MTUS2: variants seen among roughly 807,000 people sequenced by gnomAD.
The protein encoded by MTUS2 is microtubule-associated tumor suppressor candidate 2.
A neutral mutation model predicts 114.1 loss-of-function variants in MTUS2; 40 were observed. The observed-to-expected ratio is 0.35, with a 90% CI of 0.27 to 0.46. The LOEUF (loss-of-function observed/expected upper bound fraction) is 0.46. Ranked by LOEUF, MTUS2 falls within the 20% of genes least tolerant of loss-of-function variation. The probability of loss-of-function intolerance (pLI) is 1.00; values close to 1 mark genes in which losing one functional copy is unlikely to be tolerated. For missense variants in MTUS2, 1,679 were observed against 1,705.4 expected (o/e 0.98, Z 0.27); for synonymous variants, 688 against 672.0 (o/e 1.02, Z -0.37).
intron 5 of MTUS2, among the ~76,000 whole-genome samples, chr13:29,177,203 CAT>C (rs969527025): frequency 4.6e-5 from 7 of 150,792 alleles, no homozygotes; most frequent in African/African-American, 1.5e-4. Context: ...CAGTTGCAGA[CAT>C]AGTTCTAGAA....
intron 6 of MTUS2, among the ~76,000 whole-genome samples, chr13:29,290,549 C>A (rs1487739030): frequency 6.6e-6 from 1 of 152,134 alleles, no homozygotes; most frequent in Admixed American, 6.5e-5. Flanking sequence ...CCAGGATGGT[C>A]TCGATCTCCT....
chr13:29,054,314 C>G (rs1057423931), intron 4 of MTUS2, among the ~76,000 whole-genome samples: 2 of 151,932 alleles, frequency 1.3e-5, no homozygotes, highest in African/African-American at 4.8e-5. Context: ...ATTCTAAATA[C>G]AAGTTTTTGT....
intron 7 of MTUS2, among the ~76,000 whole-genome samples, chr13:29,328,444 A>T (rs572384882): frequency 6.6e-5 from 10 of 152,360 alleles, no homozygotes; most frequent in African/African-American, 2.4e-4. Context: ...GACCTCTCAA[A>T]GCAGAGGGCT....
At chr13:29,189,591 C>T (rs1894364419) in intron 5 of MTUS2, among the ~76,000 whole-genome samples, 1 of 151,694 alleles carries the variant, frequency 6.6e-6, no homozygotes, top group Non-Finnish European at 1.5e-5. Flanking sequence ...TCTAATTATG[C>T]AACTTGCCAA....
At chr13:28,945,506 C>G (rs1006577672) in intron 2 of MTUS2, among the ~76,000 whole-genome samples, 1 of 152,098 alleles carries the variant, frequency 6.6e-6, no homozygotes, top group Non-Finnish European at 1.5e-5. Context: ...TATTTTTTGA[C>G]ATTTTAATAA....
At chr13:29,468,373 G>C (rs1215899899) in intron 9 of MTUS2, among the ~76,000 whole-genome samples, 1 of 152,156 alleles carries the variant, frequency 6.6e-6, no homozygotes, top group Admixed American at 6.5e-5. Flanking sequence ...GTGGTCAGCA[G>C]TTCTAGACCA....
intron 5 of MTUS2, among the ~76,000 whole-genome samples, chr13:29,146,764 A>G (rs1892451479): frequency 6.6e-6 from 1 of 152,224 alleles, no homozygotes; most frequent in African/African-American, 2.4e-5. Flanking sequence ...GAGTATATTA[A>G]TCCTACATAG....
chr13:28,875,521 T>C (rs1161610902), intron 2 of MTUS2, among the ~76,000 whole-genome samples: 3 of 152,224 alleles, frequency 2.0e-5, no homozygotes, highest in Non-Finnish European at 4.4e-5. Context: ...TTCATGTTAA[T>C]GTTTATTTTT....
intron 4 of MTUS2, among the ~76,000 whole-genome samples, chr13:29,092,231 T>C (rs1308098531): frequency 2.0e-5 from 3 of 152,246 alleles, no homozygotes; most frequent in African/African-American, 7.2e-5. Context: ...TGCGTTCCTC[T>C]GATTGATTCT....
At chr13:29,232,296 A>ACGCG (rs60135574) in intron 5 of MTUS2, among the ~76,000 whole-genome samples, 2 of 148,546 alleles carry the variant, frequency 1.3e-5, no homozygotes, top group African/African-American at 4.9e-5. Context: ...ACACACACAC[A>ACGCG]CGCGCGCGCG....
rs9579279 is a variant in MTUS2, at chr13:29,071,289, C to T, written c.2447-29484C>T. ...TGCTGGGATTACAGGTGTGAGCCAC[C>T]GTGCCCAGCATCTTGCTTGTTTTTA... is the stretch of plus-strand genomic sequence containing the variant. On this transcript the variant is annotated intron_variant, in intron 4 of 15. Transcript: ENST00000612955. Among the ~76,000 whole-genome samples, 1,375 of 150,384 alleles carry T rather than the reference C, an allele frequency of 9.1e-3. 12 individuals carry two copies. The highest frequency in any genetic ancestry group is 0.015 in the Non-Finnish European group (1,002 of 67,636).
chr13:28,992,073 T>C (rs558188273), intron 2 of MTUS2, among the ~76,000 whole-genome samples: 4 of 152,272 alleles, frequency 2.6e-5, no homozygotes, highest in African/African-American at 9.6e-5. Flanking sequence ...GAAATTTACT[T>C]TGGGGGACTC....
At chr13:29,143,192 C>T (rs7317027) in intron 5 of MTUS2, among the ~76,000 whole-genome samples, 26,775 of 152,156 alleles carry the variant, frequency 0.18, 4,613 homozygotes, top group African/African-American at 0.45. Context: ...ACACAGAAGC[C>T]TATTGTATTT....
intron 7 of MTUS2, among the ~76,000 whole-genome samples, chr13:29,356,116 G>A (rs983306538): frequency 6.6e-6 from 1 of 152,112 alleles, no homozygotes; most frequent in Non-Finnish European, 1.5e-5. Context: ...AATACTTCAA[G>A]CAGTGGGGAA....
chr13:29,202,491 C>CTG (rs2139243800), intron 5 of MTUS2, among the ~76,000 whole-genome samples: 1 of 152,298 alleles, frequency 6.6e-6, no homozygotes, highest in South Asian at 2.1e-4. Flanking sequence ...TACACACCTT[C>CTG]TGAAGCCTCC....
chr13:29,108,201 T>C (rs1445038763), intron 5 of MTUS2, among the ~76,000 whole-genome samples: 1 of 152,218 alleles, frequency 6.6e-6, no homozygotes, highest in Non-Finnish European at 1.5e-5. Context: ...AGAGAGTCAT[T>C]TTTTATTCAT....
At chr13:29,040,083 A>C (rs138502127) in intron 4 of MTUS2, among the ~76,000 whole-genome samples, 1 of 152,214 alleles carries the variant, frequency 6.6e-6, no homozygotes, top group East Asian at 1.9e-4. Flanking sequence ...AGCAGTGTAC[A>C]CTGCACCTGA....
intron 6 of MTUS2, among the ~76,000 whole-genome samples, chr13:29,312,921 G>A (rs1025189551): frequency 6.6e-6 from 1 of 152,164 alleles, no homozygotes; most frequent in Non-Finnish European, 1.5e-5. Flanking sequence ...AAGATAAAAA[G>A]CTATTTCAAA....
At chr13:29,328,871 C>T (rs1900641733) in intron 7 of MTUS2, among the ~76,000 whole-genome samples, 1 of 152,154 alleles carries the variant, frequency 6.6e-6, no homozygotes, top group Non-Finnish European at 1.5e-5. Flanking sequence ...CTTCTTTCAG[C>T]ATCTGCTATC....
Sources: gnomAD v4.1 joint callset for allele counts (sites outside exome capture counted in the v4.1 genomes callset) on GRCh38, gnomAD v4.1.1 for gene constraint, MANE v1.5 for transcripts, NCBI Gene and HGNC (gene_info 2026-07-23, HGNC 2026-07-21) for gene names.